Variants in TNRC18 observed in about 807,000 individuals in gnomAD.
TNRC18 encodes trinucleotide repeat-containing gene 18 protein.
Under a neutral mutation model 226.7 loss-of-function variants are expected in TNRC18, and 69 were observed. That is an observed-to-expected ratio of 0.30 (90% confidence interval 0.25 to 0.37). TNRC18 has a LOEUF of 0.37. TNRC18 is among the 10% of genes least tolerant of loss of function. The pLI, the probability that TNRC18 is intolerant of heterozygous loss-of-function variation, is 1.00. For synonymous variants in TNRC18, 2,449 were observed against 1,927.6 expected (o/e 1.27, Z -7.09); for missense variants, 4,754 against 4,256.6 (o/e 1.12, Z -3.25).
In TNRC18 at chr7:5,416,937, C is replaced by T. The variant is rs886615010; in HGVS notation, c.187+4123G>A. On this transcript the variant is annotated intron_variant, in intron 2 of 29. Coordinates refer to ENST00000430969, the MANE Select transcript of TNRC18 (RefSeq NM_001080495.3). ...GTTTGAGGCTGCAATGAGCTATAAA[C>T]GCAATACTGCACTCATCCTGGTTGA... Among the ~76,000 whole-genome samples the T allele has an allele frequency of 3.4e-5, 5 of 146,466 alleles. No homozygotes were observed. The South Asian group carries it at 8.7e-4, about 26-fold the overall frequency.
chr7:5,389,239 CG>C lies in TNRC18; in HGVS notation c.584del (p.Pro195ArgfsTer47), dbSNP rs1254638801. On this transcript the variant is annotated frameshift_variant, in exon 5 of 30. Coordinates refer to ENST00000430969, the MANE Select transcript of TNRC18 (RefSeq NM_001080495.3). LOFTEE classifies it high-confidence loss of function. ...TPGGGHSSGA[P>X]AKGSSSRDGP... Reference sequence around the variant, plus strand: ...CGTCCCGCGACGACGAGCCTTTGGCCGGGGCGCCCGAGGAGTGGCCGCCGCC... The same window carrying C: ...CGTCCCGCGACGACGAGCCTTTGGCCGGGCGCCCGAGGAGTGGCCGCCGCC... The C allele has an allele frequency of 1.5e-6, 2 of 1,331,048 alleles. No individual in the cohort carries two copies. The highest frequency in any genetic ancestry group is 1.9e-6 in the Non-Finnish European group (2 of 1,042,672). 82.5% of individuals were successfully genotyped at this position (1,331,048 alleles called of 1,614,324 possible).
rs1299257410 is a variant in TNRC18, at chr7:5,351,953, T to G, written c.5336A>C (p.Lys1779Thr). The part of the protein sequence containing the change: ...SKAAGGPKLT[K>T]RGLAAPRTLK... The stretch of plus-strand genomic sequence containing the variant: ...AGTCCGGGGGGCCGCCAGGCCCCTC[T>G]TGGTCAGCTTGGGGCCACCAGCTGC... Residue 1779 changes from lysine (K) to threonine (T), a missense_variant, in exon 17 of 30, where the codon AAG becomes ACG. Lys to Thr is a moderately conservative substitution (Grantham distance 78). Transcript: ENST00000430969. 1 of 1,613,936 alleles carries G rather than the reference T, an allele frequency of 6.2e-7. No homozygotes were observed. Among genetic ancestry groups the G allele is most frequent in the Admixed American group, 1.7e-5 (1 of 60,008 alleles).
At chr7:5,359,275 G>C (rs1792780759) in intron 15 of TNRC18, 123 bp downstream of exon 15, 7 of 1,019,798 alleles carry the variant, frequency 6.9e-6, no homozygotes, top group Non-Finnish European at 8.9e-6. Context: ...CGGCATTGAA[G>C]ACAACCACTT....
chr7:5,347,259 C>T (rs1038890102), intron 17 of TNRC18, among the ~76,000 whole-genome samples: 3 of 150,308 alleles, frequency 2.0e-5, no homozygotes, highest in Non-Finnish European at 3.0e-5. Flanking sequence ...ACGATTTCGG[C>T]GCACTGCAAG....
At chr7:5,385,494 C>CAAA (rs60919833) in intron 5 of TNRC18, among the ~76,000 whole-genome samples, 79 of 88,000 alleles carry the variant, frequency 9.0e-4, no homozygotes, top group East Asian at 1.8e-3. Context: ...GACTCCGTCT[C>CAAA]AAAAAAAAAA....
At position 5,362,017 on chromosome 7, in the gene TNRC18, G is replaced by T; in HGVS notation, c.4412C>A (p.Ser1471Tyr). ...CAGGGCGTCCATGTCCTCCAGGGAG[G>T]ACTTCATGGCATACATCTGGGGGAA... Reference protein sequence around the residue: ...KKEERMYAMKSSLEDMDALEL... With the variant: ...KKEERMYAMKYSLEDMDALEL... The change falls in exon 13 of 30, where the codon TCC (serine) becomes TAC (tyrosine). Residue 1471 changes from serine (S) to tyrosine (Y), a missense_variant. Transcript: ENST00000430969. 6.2e-7 allele frequency: 1 copy of T among 1,613,526 alleles called. No individual in the cohort carries two copies. Among genetic ancestry groups the T allele is most frequent in the Non-Finnish European group, 8.5e-7 (1 of 1,179,728 alleles).
chr7:5,420,678 T>A, intron 2 of TNRC18: 1 of 491,010 alleles, frequency 2.0e-6, no homozygotes, highest in Non-Finnish European at 4.0e-6. Context: ...AGAAAAAGAT[T>A]CGAGCTCGGG....
chr7:5,326,830 A>G lies in TNRC18; in HGVS notation c.6148-1582T>C, dbSNP rs1426350322. Among the ~76,000 whole-genome samples, 4 of 142,020 alleles carry G rather than the reference A, an allele frequency of 2.8e-5. No homozygotes were observed. In the South Asian group the frequency reaches 6.7e-4, roughly 24 times the overall value. 93.2% of individuals were successfully genotyped at this position (142,020 alleles called of 152,430 possible). A position where few individuals can be genotyped will look rare whatever the true frequency, so the allele number is the denominator to read the frequency against. On this transcript the variant is annotated intron_variant, in intron 19 of 29. Transcript: ENST00000430969. ...TCTCAAAAATAAAATAAAATTAAGG[A>G]AAAAAAAAAAAAGGCCAGGTGCAGT... is the stretch of plus-strand genomic sequence containing the variant.
chr7:5,361,321 G>A (rs1793021068), intron 14 of TNRC18, among the ~76,000 whole-genome samples: 1 of 152,234 alleles, frequency 6.6e-6, no homozygotes, highest in African/African-American at 2.4e-5. Context: ...CCCTAGGCGT[G>A]AGGAGGCAGG....
chr7:5,314,066 C>T (rs1787591531), intron 26 of TNRC18, among the ~76,000 whole-genome samples: 1 of 151,992 alleles, frequency 6.6e-6, no homozygotes, highest in Non-Finnish European at 1.5e-5. Flanking sequence ...TCATGTGAGC[C>T]TCCAGCCTCA....
chr7:5,380,152 A>G (rs1779296683), intron 5 of TNRC18, among the ~76,000 whole-genome samples: 1 of 152,106 alleles, frequency 6.6e-6, no homozygotes, highest in South Asian at 2.1e-4. Flanking sequence ...GCTCCTAATA[A>G]GCAGCACCCC....
chr7:5,420,623 A>C, intron 2 of TNRC18: 3 of 458,414 alleles, frequency 6.5e-6, no homozygotes, highest in East Asian at 6.9e-5. Flanking sequence ...GGAGCTGGGA[A>C]CAGAACCCAG....
intron 18 of TNRC18, among the ~76,000 whole-genome samples, chr7:5,339,208 T>C (rs1277450703): frequency 6.7e-6 from 1 of 149,822 alleles, no homozygotes; most frequent in African/African-American, 2.4e-5. Context: ...ACAAATGTGT[T>C]TTTTTTGTTT....
chr7:5,348,337 C>T (rs778351430), intron 17 of TNRC18, among the ~76,000 whole-genome samples: 5 of 152,140 alleles, frequency 3.3e-5, no homozygotes, highest in Admixed American at 6.5e-5. Flanking sequence ...CTCTAGGGGC[C>T]GCAGGGCTGG....
rs1181788849 is a variant in TNRC18 at position 5,307,764 on chromosome 7, C to T, written c.*342G>A. The T allele has an allele frequency of 1.6e-5, 6 of 381,420 alleles. No individual in the cohort carries two copies. The highest frequency in any genetic ancestry group is 8.7e-4 in the Middle Eastern group (1 of 1,152). The allele number at this position is 381,420 out of a possible 1,614,324, so 23.6% of individuals were successfully genotyped here. On this transcript the variant is annotated 3_prime_UTR_variant, in exon 30 of 30. Transcript: ENST00000430969. ...CAGTCTGCATGGACCTGGGGGCACC[C>T]GGGCCCCCACGCAGCAGCAGCCTGG... is the stretch of plus-strand genomic sequence containing the variant.
chr7:5,357,460 G>A (rs1792564729), intron 15 of TNRC18, among the ~76,000 whole-genome samples, 184 bp from the exon 16 acceptor site: 1 of 152,052 alleles, frequency 6.6e-6, no homozygotes, highest in South Asian at 2.1e-4. Context: ...CGCCCAGCCT[G>A]GGGTTCAGTG....
intron 16 of TNRC18, among the ~76,000 whole-genome samples, chr7:5,355,682 C>T (rs1156951168): frequency 6.6e-6 from 1 of 152,032 alleles, no homozygotes. Context: ...GCCCAGGCAC[C>T]AGCCTGGGAA....
chr7:5,419,523 G>A (rs982333466), intron 2 of TNRC18, among the ~76,000 whole-genome samples: 3 of 152,172 alleles, frequency 2.0e-5, no homozygotes, highest in African/African-American at 4.8e-5. Flanking sequence ...CAGCTCAGAT[G>A]GTCTCTGTAC....
chr7:5,387,526 C>T lies in TNRC18; in HGVS notation c.2152+146G>A, dbSNP rs75805608. 1.2e-4 allele frequency: 148 copies of T among 1,185,516 alleles called. 1 individual carries two copies. The African/African-American group carries it at 2.2e-3, about 17-fold the overall frequency. 73.4% of individuals were successfully genotyped at this position (1,185,516 alleles called of 1,614,324 possible). On this transcript the variant is annotated intron_variant, in intron 5 of 29. Transcript: ENST00000430969. ...GGAAAACTGAACCATGGTACATGCTCGCAACAGAACATTCAAGACCATTTT... is the reference window on the plus strand; with the variant it reads ...GGAAAACTGAACCATGGTACATGCTTGCAACAGAACATTCAAGACCATTTT...
Sources: allele counts gnomAD v4.1 joint callset (sites outside exome capture counted in the v4.1 genomes callset), GRCh38; gene constraint gnomAD v4.1.1; transcripts MANE v1.5; gene names NCBI Gene and HGNC (gene_info 2026-07-23, HGNC 2026-07-21).